FBF1: variants seen among roughly 807,000 people sequenced by gnomAD.
FBF1 encodes fas-binding factor 1.
Under a neutral mutation model 147.2 loss-of-function variants are expected in FBF1, and 119 were observed. That is an observed-to-expected ratio of 0.81 (90% CI 0.70 to 0.94). The LOEUF is 0.94. FBF1 is among the 40% of genes least tolerant of loss of function. The pLI is 0.00. For synonymous variants in FBF1, 601 were observed against 609.0 expected, an observed-to-expected ratio of 0.99 and a Z score of 0.19; for missense variants, 1,449 against 1,500.8, an observed-to-expected ratio of 0.97 and a Z score of 0.57.
rs1470460695 is a variant in FBF1, at chr17:75,923,296, C to A, written c.1314G>T (p.Leu438=). ...RASKEEKEDW[L]SHALSRKKSQ... ...ACTTCTTCCGAGACAGGGCATGGCT[C>A]AGCCAGTCCTCTTTCTCCTCCTTGG... Residue 438 remains leucine, a synonymous_variant, in exon 14 of 30, where the codon CTG becomes CTT. Transcript: ENST00000636174. This position sits in a 1 kb window ranked among gnomAD's most constrained non-coding sequence, Gnocchi z 4.1. 1 of 1,592,762 alleles carries A rather than the reference C, an allele frequency of 6.3e-7. No homozygotes were observed. The highest frequency in any genetic ancestry group is 8.5e-7 in the Non-Finnish European group (1 of 1,170,156).
Position 75,910,947 on chromosome 17 carries a change from G to T in FBF1, c.3364-141C>A. 1.5e-6 allele frequency: 1 copy of T among 676,310 alleles called. No individual in the cohort carries two copies. The allele number at this position is 676,310 out of a possible 1,614,324, so 41.9% of individuals were successfully genotyped here. The stretch of plus-strand genomic sequence containing the variant: ...TGCCTGGCTCTGGGAGTCAGCAGGG[G>T]CCATGAAAGAGCCCAGGTATGGAGT... On this transcript the variant is annotated intron_variant, in intron 29 of 29. Coordinates refer to ENST00000636174, the MANE Select transcript of FBF1 (RefSeq NM_001319193.2). This position sits in a 1 kb window ranked among gnomAD's most constrained non-coding sequence, Gnocchi z 4.1.
chr17:75,918,315 C>A lies in FBF1; in HGVS notation c.2139-46G>T. The A allele has an allele frequency of 6.6e-7, 1 of 1,515,282 alleles. No individual in the cohort carries two copies. The highest frequency in any genetic ancestry group is 9.1e-7 in the Non-Finnish European group (1 of 1,101,572). 93.9% of individuals were successfully genotyped at this position (1,515,282 alleles called of 1,614,324 possible). A position where few individuals can be genotyped will look rare whatever the true frequency, so the allele number is the denominator to read the frequency against. ...AAGGCGGTCACTCTGAGCTGGATCACCCTGATGCGGTAACTCCTTGTGGAA... is the reference window on the plus strand; with the variant it reads ...AAGGCGGTCACTCTGAGCTGGATCAACCTGATGCGGTAACTCCTTGTGGAA... On this transcript the variant is annotated intron_variant, in intron 20 of 29. Transcript: ENST00000636174. The surrounding 1 kb of genome is among the most constrained non-coding windows in gnomAD (Gnocchi z 5.8).
At position 75,928,162 on chromosome 17, in the gene FBF1, C is replaced by T; in HGVS notation, c.311G>A (p.Gly104Asp). Residue 104 changes from glycine (G) to aspartate (D), a missense_variant, in exon 8 of 30, where the codon GGT becomes GAT. Coordinates refer to ENST00000636174, the MANE Select transcript of FBF1 (RefSeq NM_001319193.2). The surrounding 1 kb of genome is among the most constrained non-coding windows in gnomAD (Gnocchi z 4.2). The stretch of plus-strand genomic sequence containing the variant: ...AGGGGCTGAATTAGATTTCTTCAGA[C>T]CTAAGATATCAGCATCCATGCCGTC... ...DLDGMDADIL[G>D]LKKSNSAPSK... is the part of the protein sequence containing the mutation. The T allele has an allele frequency of 6.2e-7, 1 of 1,613,802 alleles. No homozygotes were observed.
chr17:75,932,142 A>G (rs2065598313), intron 5 of FBF1, among the ~76,000 whole-genome samples: 1 of 152,190 alleles, frequency 6.6e-6, no homozygotes, highest in African/African-American at 2.4e-5. Context: ...GCACTTTGGG[A>G]GGCCAAGGTG....
chr17:75,920,105 C>A lies in FBF1; in HGVS notation c.1833G>T (p.Val611=). 1 of 1,583,824 alleles carries A rather than the reference C, an allele frequency of 6.3e-7. No homozygotes were observed. The highest frequency in any genetic ancestry group is 1.1e-5 in the South Asian group (1 of 87,780). Reference sequence around the variant, plus strand: ...GGGCCCGTTCTAGCTCCAGCTTCCGCACCTGGGAGACAGCAGGAGGGCCAG... The same window carrying A: ...GGGCCCGTTCTAGCTCCAGCTTCCGAACCTGGGAGACAGCAGGAGGGCCAG... The part of the protein sequence containing the change: ...QARLAELEAQ[V]RKLELERAQH... Residue 611 remains valine (V), a splice_region_variant and synonymous_variant, in exon 19 of 30, where the codon GTG becomes GTT. Coordinates refer to ENST00000636174, the MANE Select transcript of FBF1 (RefSeq NM_001319193.2).
At chr17:75,912,409 C>T in intron 28 of FBF1, 102 bp from the exon 29 acceptor site, 1 of 823,220 alleles carries the variant, frequency 1.2e-6, no homozygotes, top group South Asian at 1.8e-5. Context: ...AGTGGGTGGA[C>T]CCTGGCCATA....
At chr17:75,914,100 C>A in intron 26 of FBF1, 22 bp downstream of exon 26, 1 of 1,595,624 alleles carries the variant, frequency 6.3e-7, no homozygotes, top group South Asian at 1.1e-5. Context: ...GATGCGCCCA[C>A]GCCCATGTGC....
chr17:75,923,430 C>T lies in FBF1; in HGVS notation c.1180G>A (p.Ala394Thr), dbSNP rs747014639. 1.9e-6 allele frequency: 3 copies of T among 1,608,320 alleles called. No homozygotes were observed. The South Asian group carries it at 3.3e-5, about 18-fold the overall frequency. Residue 394 changes from alanine (A) to threonine (T), a missense_variant, in exon 14 of 30, where the codon GCG becomes ACG. Physicochemically the swap from Ala to Thr is moderately conservative, Grantham distance 58. Coordinates refer to ENST00000636174, the MANE Select transcript of FBF1 (RefSeq NM_001319193.2). This position sits in a 1 kb window ranked among gnomAD's most constrained non-coding sequence, Gnocchi z 4.1. ...CCAGCTGGCGTGGAGTGCTGGCTCGCAGGAGGAGGCACTGAGGGCGTGACA... is the reference window on the plus strand; with the variant it reads ...CCAGCTGGCGTGGAGTGCTGGCTCGTAGGAGGAGGCACTGAGGGCGTGACA... ...VPVTPSVPPP[A>T]SQHSTPAGLP...
chr17:75,918,180 C>T lies in FBF1; in HGVS notation c.2228G>A (p.Ser743Asn). ...CACATACCGCGTGTGGGAGGTGGCA[C>T]TGGTGGCCGCATCGACCTCTCGGTC... ...LKDREVDAATSATSHTRSLNS... is the reference protein window; with the variant it reads ...LKDREVDAATNATSHTRSLNS... Residue 743 changes from serine (S) to asparagine (N), a missense_variant, in exon 21 of 30, where the codon AGT becomes AAT. Coordinates refer to ENST00000636174, the MANE Select transcript of FBF1 (RefSeq NM_001319193.2). This position sits in a 1 kb window ranked among gnomAD's most constrained non-coding sequence, Gnocchi z 5.8. 1.2e-6 allele frequency: 2 copies of T among 1,613,394 alleles called. No homozygotes were observed. Among genetic ancestry groups the T allele is most frequent in the Non-Finnish European group, 8.5e-7 (1 of 1,179,854 alleles).
Position 75,931,303 on chromosome 17 carries a change from G to A in FBF1, c.168-14C>T. The A allele has an allele frequency of 6.3e-7, 1 of 1,576,284 alleles. No homozygotes were observed. The highest frequency in any genetic ancestry group is 8.6e-7 in the Non-Finnish European group (1 of 1,161,194). On this transcript the variant is annotated splice_polypyrimidine_tract_variant and intron_variant, in intron 5 of 29. Transcript: ENST00000636174. The stretch of plus-strand genomic sequence containing the variant: ...CCCAGGAGGGACCTGCAAAGGGGAG[G>A]CGTCAGCCCCTACCTGCATCCCAGG...
intron 7 of FBF1, 52 bp downstream of exon 7, chr17:75,929,945 A>AGGGCCCCCCCCCCCC: frequency 1.5e-6 from 1 of 650,880 alleles, no homozygotes; most frequent in Non-Finnish European, 2.8e-6. Flanking sequence ...AAATATCATG[A>AGGGCCCCCCCCCCCC]CCCCACCCCA....
At position 75,914,937 on chromosome 17, in the gene FBF1, G is replaced by A; in HGVS notation, c.2629-5C>T. On this transcript the variant is annotated splice_polypyrimidine_tract_variant and splice_region_variant and intron_variant, in intron 24 of 29. Transcript: ENST00000636174. Reference sequence around the variant, plus strand: ...CTGCTCCTCCAGCAAGGCGCTCTGGGATGTGGGGGTGAAGGCACGGGGTGA... The same window carrying A: ...CTGCTCCTCCAGCAAGGCGCTCTGGAATGTGGGGGTGAAGGCACGGGGTGA... The A allele has an allele frequency of 1.2e-6, 2 of 1,611,520 alleles. No individual in the cohort carries two copies. Among genetic ancestry groups the A allele is most frequent in the Non-Finnish European group, 1.7e-6 (2 of 1,178,760 alleles).
At chr17:75,937,422 G>C in intron 3 of FBF1, 144 bp downstream of exon 3, 1 of 782,652 alleles carries the variant, frequency 1.3e-6, no homozygotes, top group Non-Finnish European at 2.2e-6. Flanking sequence ...CACCCACCTC[G>C]GCCTCCCAAA....
At position 75,917,863 on chromosome 17, in the gene FBF1, C is replaced by A; in HGVS notation, c.2387-13G>T. On this transcript the variant is annotated splice_polypyrimidine_tract_variant and intron_variant, in intron 22 of 29. Coordinates refer to ENST00000636174, the MANE Select transcript of FBF1 (RefSeq NM_001319193.2). ...CGCTCCTGCAGTGCTGGGGGCAACC[C>A]ACAGGGTGCTCAGCAGCTGCTCCCC... 6.3e-7 allele frequency: 1 copy of A among 1,586,716 alleles called. No individual in the cohort carries two copies. Among genetic ancestry groups the A allele is most frequent in the East Asian group, 2.3e-5 (1 of 43,660 alleles).
Position 75,925,292 on chromosome 17 carries a change from C to G in FBF1, c.968+55G>C. 1 of 1,433,384 alleles carries G rather than the reference C, an allele frequency of 7.0e-7. No individual in the cohort carries two copies. The highest frequency in any genetic ancestry group is 9.7e-7 in the Non-Finnish European group (1 of 1,035,272). The allele number at this position is 1,433,384 out of a possible 1,614,324, so 88.8% of individuals were successfully genotyped here. A position where few individuals can be genotyped will look rare whatever the true frequency, so the allele number is the denominator to read the frequency against. ...ACAGGGGACAGCTGCAGGGGCCTGT[C>G]TTCCCAGTGGCCGACCTGTCTCAAG... is the stretch of plus-strand genomic sequence containing the variant. On this transcript the variant is annotated intron_variant, in intron 13 of 29. Coordinates refer to ENST00000636174, the MANE Select transcript of FBF1 (RefSeq NM_001319193.2). The surrounding 1 kb of genome is among the most constrained non-coding windows in gnomAD (Gnocchi z 5.0).
chr17:75,921,432 G>A, intron 16 of FBF1, 40 bp downstream of exon 16: 2 of 1,587,936 alleles, frequency 1.3e-6, no homozygotes, highest in Non-Finnish European at 1.7e-6. Flanking sequence ...TCCTCACCCA[G>A]GGTTAAACTC....
intron 17 of FBF1, among the ~76,000 whole-genome samples, chr17:75,920,683 C>T (rs2065520244): frequency 1.3e-5 from 2 of 152,216 alleles, no homozygotes; most frequent in Non-Finnish European, 2.9e-5. Context: ...TCTCCGGCTT[C>T]CCAGACAAAT....
chr17:75,932,924 TG>T, intron 5 of FBF1, 70 bp downstream of exon 5: 5 of 827,506 alleles, frequency 6.0e-6, no homozygotes, highest in South Asian at 2.4e-5. Context: ...AAGTAGAAAG[TG>T]GGGGGTGGAG....
At position 75,922,130 on chromosome 17, in the gene FBF1, A is replaced by G; in HGVS notation, c.1425-84T>C. The G allele has an allele frequency of 5.1e-6, 6 of 1,175,112 alleles. No homozygotes were observed. The highest frequency in any genetic ancestry group is 7.3e-6 in the Non-Finnish European group (6 of 819,944). The allele number at this position is 1,175,112 out of a possible 1,614,324, so 72.8% of individuals were successfully genotyped here. On this transcript the variant is annotated intron_variant, in intron 14 of 29. Coordinates refer to ENST00000636174, the MANE Select transcript of FBF1 (RefSeq NM_001319193.2). This position sits in a 1 kb window ranked among gnomAD's most constrained non-coding sequence, Gnocchi z 5.0. ...AGACAGGGCCCAGGACGGGCTTCAC[A>G]CGTGAAGCTCGTGGCCCCCCTTCCT... is the stretch of plus-strand genomic sequence containing the variant.
Sources: gnomAD v4.1 joint callset for allele counts (sites outside exome capture counted in the v4.1 genomes callset) on GRCh38, gnomAD v4.1.1 for gene constraint, Gnocchi (gnomAD v3.1) non-coding constraint, MANE v1.5 for transcripts, NCBI Gene and HGNC (gene_info 2026-07-23, HGNC 2026-07-21) for gene names.